The following DCBLD2 variants were observed in gnomAD, a reference collection of about 807,000 sequenced individuals.
DCBLD2 encodes the protein discoidin, CUB and LCCL domain-containing protein 2.
In DCBLD2, 54 loss-of-function variants were observed where a neutral mutation model predicts 86.8. The ratio of observed to expected loss-of-function variants is 0.62; its 90% CI spans 0.50 to 0.78. DCBLD2 has a LOEUF of 0.78. Ranked by LOEUF, DCBLD2 falls within the 30% of genes least tolerant of loss-of-function variation. The pLI is 0.00. For missense variants in DCBLD2, 908 were observed against 954.2 expected (o/e 0.95, Z 0.64); for synonymous variants, 354 against 341.3 (o/e 1.04, Z -0.41).
chr3:98,878,418 G>C (rs1325113816), intron 2 of DCBLD2, among the ~76,000 whole-genome samples: 3 of 152,026 alleles, frequency 2.0e-5, no homozygotes, highest in Admixed American at 2.0e-4. Flanking sequence ...GTGAACATCA[G>C]AAACACAGAG....
intron 13 of DCBLD2, among the ~76,000 whole-genome samples, chr3:98,803,313 G>C (rs992313818): frequency 3.3e-5 from 5 of 152,112 alleles, no homozygotes; most frequent in African/African-American, 1.2e-4. Context: ...TGAAGCAATT[G>C]TGAATGGGAG....
At chr3:98,839,529 A>G (rs1942581238) in intron 3 of DCBLD2, among the ~76,000 whole-genome samples, 1 of 152,236 alleles carries the variant, frequency 6.6e-6, no homozygotes. Flanking sequence ...ACTATCATAG[A>G]ATAACAGTGT....
At chr3:98,833,614 G>A (rs935598678) in intron 3 of DCBLD2, among the ~76,000 whole-genome samples, 1 of 152,184 alleles carries the variant, frequency 6.6e-6, no homozygotes, top group Non-Finnish European at 1.5e-5. Context: ...TCAGGTGGGG[G>A]TACAGTGGTT....
At position 98,858,291 on chromosome 3, in the gene DCBLD2, C is replaced by T. The variant is rs1286267388; in HGVS notation, c.434-8693G>A. ...CAAGCGCCGTGTGCAGCCCCAGTTC[C>T]CGCCTGCGCCTCTCCCTCCACACCT... On this transcript the variant is annotated intron_variant, in intron 2 of 15. Coordinates refer to ENST00000326840, the MANE Select transcript of DCBLD2 (RefSeq NM_080927.4). 1.3e-5 allele frequency among the ~76,000 whole-genome samples: 2 copies of T among 152,252 alleles called. 1 individual carries two copies. Among genetic ancestry groups the T allele is most frequent in the Non-Finnish European group, 2.9e-5 (2 of 68,044 alleles).
intron 6 of DCBLD2, chr3:98,820,981 GAAAAAAAAAA>G (rs372054460): frequency 1.1e-5 from 1 of 90,766 alleles, no homozygotes; most frequent in African/African-American, 4.2e-5. Flanking sequence ...AAATAATCTA[GAAAAAAAAAA>G]AAAAAAAGAA....
chr3:98,878,811 A>G (rs1943413357), intron 2 of DCBLD2, among the ~76,000 whole-genome samples: 1 of 152,208 alleles, frequency 6.6e-6, no homozygotes, highest in African/African-American at 2.4e-5. Context: ...TGAGGAGAAT[A>G]GGAAAAAGCA....
intron 2 of DCBLD2, among the ~76,000 whole-genome samples, chr3:98,869,093 G>A (rs1943213412): frequency 6.6e-6 from 1 of 152,156 alleles, no homozygotes; most frequent in African/African-American, 2.4e-5. Context: ...CAGTGTATAA[G>A]TGTTCCCTGT....
intron 2 of DCBLD2, among the ~76,000 whole-genome samples, chr3:98,879,450 G>C (rs979195397): frequency 6.6e-6 from 1 of 151,848 alleles, no homozygotes; most frequent in African/African-American, 2.4e-5. Context: ...GCAGTGGCTC[G>C]ATCTCGGCTC....
rs543522108 is a variant in DCBLD2 at position 98,841,135 on chromosome 3, A to C, written c.571+8326T>G. ...TCCTTCCCCATTACCTGCCTTCCCT[A>C]ATCCTAGAGGGCTGTCCAGAGCAGG... On this transcript the variant is annotated intron_variant, in intron 3 of 15. Coordinates refer to ENST00000326840, the MANE Select transcript of DCBLD2 (RefSeq NM_080927.4). 9.8e-5 allele frequency among the ~76,000 whole-genome samples: 15 copies of C among 152,322 alleles called. No homozygotes were observed. The East Asian group carries it at 2.5e-3, about 25-fold the overall frequency.
chr3:98,865,716 A>G (rs1010804915), intron 2 of DCBLD2, among the ~76,000 whole-genome samples: 24 of 151,466 alleles, frequency 1.6e-4, no homozygotes, highest in Admixed American at 4.0e-4. Flanking sequence ...TTTTTTATAT[A>G]TATATTTTGT....
intron 12 of DCBLD2, among the ~76,000 whole-genome samples, chr3:98,810,107 T>C (rs116164327): frequency 6.6e-6 from 1 of 152,302 alleles, no homozygotes; most frequent in African/African-American, 2.4e-5. Context: ...TGGAAGGAAA[T>C]TATTTAAGGA....
intron 1 of DCBLD2, among the ~76,000 whole-genome samples, chr3:98,889,878 G>C (rs1021530098): frequency 6.6e-6 from 1 of 151,892 alleles, no homozygotes; most frequent in Non-Finnish European, 1.5e-5. Flanking sequence ...TGGGGCCTTG[G>C]ATCTGCAGTT....
chr3:98,894,388 T>C (rs749478206), intron 1 of DCBLD2, among the ~76,000 whole-genome samples: 12 of 152,244 alleles, frequency 7.9e-5, no homozygotes, highest in Middle Eastern at 3.4e-3. Flanking sequence ...TTTTATAATA[T>C]TGGAGATGCC....
intron 13 of DCBLD2, among the ~76,000 whole-genome samples, chr3:98,806,176 T>A (rs980646329): frequency 1.3e-5 from 2 of 152,176 alleles, no homozygotes; most frequent in African/African-American, 4.8e-5. Context: ...GGGCATGTGG[T>A]GGTAACTGCA....
In DCBLD2 at chr3:98,901,597, G is replaced by T. The variant is rs538605835; in HGVS notation, c.-271C>A. The stretch of plus-strand genomic sequence containing the variant: ...AGTCCTCGAGCCGCGGAGGACGGCC[G>T]CGGCGGAGCTAAGGAACGTGCCTCC... On this transcript the variant is annotated 5_prime_UTR_variant, in exon 1 of 16. Transcript: ENST00000326840. The T allele has an allele frequency of 8.6e-4, 249 of 289,506 alleles. 1 individual carries two copies. The highest frequency in any genetic ancestry group is 2.8e-3 in the Admixed American group (53 of 19,054). 17.9% of individuals were successfully genotyped at this position (289,506 alleles called of 1,614,324 possible).
intron 2 of DCBLD2, among the ~76,000 whole-genome samples, chr3:98,857,190 T>C (rs1051725907): frequency 6.6e-6 from 1 of 152,180 alleles, no homozygotes; most frequent in Non-Finnish European, 1.5e-5. Context: ...GAGTTGTTCA[T>C]TCCTCCTGGT....
intron 2 of DCBLD2, among the ~76,000 whole-genome samples, chr3:98,860,404 C>A (rs542976240): frequency 6.6e-6 from 1 of 152,208 alleles, no homozygotes; most frequent in East Asian, 1.9e-4. Flanking sequence ...AGAAGAGCAA[C>A]TTCATGACAC....
At chr3:98,879,269 T>C (rs887826241) in intron 2 of DCBLD2, among the ~76,000 whole-genome samples, 22 of 152,212 alleles carry the variant, frequency 1.4e-4, no homozygotes, top group African/African-American at 5.1e-4. Context: ...ATCCTAGACA[T>C]TTGAACTTGA....
At chr3:98,861,973 T>A (rs1381235985) in intron 2 of DCBLD2, among the ~76,000 whole-genome samples, 1 of 151,936 alleles carries the variant, frequency 6.6e-6, no homozygotes, top group Non-Finnish European at 1.5e-5. Flanking sequence ...ATTGATAGAT[T>A]GCTAGCAAGA....
Sources: allele counts gnomAD v4.1 joint callset (sites outside exome capture counted in the v4.1 genomes callset), GRCh38; gene constraint gnomAD v4.1.1; transcripts MANE v1.5; gene names NCBI Gene and HGNC (gene_info 2026-07-23, HGNC 2026-07-21).